The following CACHD1 variants were observed in gnomAD, a reference collection of about 807,000 sequenced individuals.
The protein encoded by CACHD1 is cache domain containing 1.
In CACHD1, 71 loss-of-function variants were observed where a neutral mutation model predicts 138.7. That is an observed-to-expected ratio of 0.51 (90% CI 0.42 to 0.62). CACHD1 has a LOEUF of 0.62. Among genes scored for constraint, CACHD1 ranks in the 20% least tolerant of loss-of-function variants. CACHD1 has a pLI of 0.00. For missense variants in CACHD1, 1,389 were observed against 1,625.3 expected, an observed-to-expected ratio of 0.85 and a Z score of 2.50; for synonymous variants, 578 against 591.5, an observed-to-expected ratio of 0.98 and a Z score of 0.33.
rs1649179189 is a variant in CACHD1, at chr1:64,653,789, G to A, written c.1572G>A (p.Arg524=). The change falls in exon 11 of 27, where the codon AGG becomes AGA. Residue 524 remains arginine, a synonymous_variant. Transcript: ENST00000651257. ...GYTLMHPSLT[R]PYLLSEPPLH... ...CACTTATGCACCCATCTCTTACCAGGCCATATTTATTGTCAGAGCCCCCAC... is the reference window on the plus strand; with the variant it reads ...CACTTATGCACCCATCTCTTACCAGACCATATTTATTGTCAGAGCCCCCAC... 1.2e-6 allele frequency: 2 copies of A among 1,613,060 alleles called. No individual in the cohort carries two copies. The highest frequency in any genetic ancestry group is 1.7e-5 in the Admixed American group (1 of 59,990).
intron 4 of CACHD1, among the ~76,000 whole-genome samples, chr1:64,604,060 C>T (rs372189254): frequency 6.6e-6 from 1 of 152,086 alleles, no homozygotes; most frequent in Non-Finnish European, 1.5e-5. Flanking sequence ...CACATAAAGC[C>T]GAAGAGAAAG....
chr1:64,674,974 C>T (rs764678009), intron 19 of CACHD1, among the ~76,000 whole-genome samples: 1 of 152,142 alleles, frequency 6.6e-6, no homozygotes, highest in Non-Finnish European at 1.5e-5. Context: ...AAAGGTTCAT[C>T]ACCCAAAGAA....
intron 1 of CACHD1, among the ~76,000 whole-genome samples, chr1:64,500,717 TA>T (rs72436564): frequency 1.4e-3 from 49 of 33,968 alleles, no homozygotes; most frequent in South Asian, 3.6e-3. Flanking sequence ...CCTTGTCTCT[TA>T]AAAAAAAAAA....
intron 7 of CACHD1, among the ~76,000 whole-genome samples, chr1:64,637,544 A>G (rs1358187499): frequency 1.3e-5 from 2 of 152,230 alleles, no homozygotes; most frequent in Non-Finnish European, 2.9e-5. Context: ...TGCACTGCAC[A>G]TGAGCAGGAG....
intron 4 of CACHD1, among the ~76,000 whole-genome samples, chr1:64,611,826 C>T (rs530210354): frequency 6.6e-5 from 10 of 152,224 alleles, no homozygotes; most frequent in East Asian, 1.9e-4. Context: ...AGCAGTGCCT[C>T]GCTACCTCAT....
chr1:64,671,214 G>A (rs1649802193), intron 16 of CACHD1, among the ~76,000 whole-genome samples: 1 of 151,818 alleles, frequency 6.6e-6, no homozygotes, highest in African/African-American at 2.4e-5. Context: ...TTATCTAGAG[G>A]TTTGTTGGAA....
intron 1 of CACHD1, among the ~76,000 whole-genome samples, chr1:64,527,940 C>G (rs1052792266): frequency 3.3e-5 from 5 of 152,170 alleles, no homozygotes; most frequent in African/African-American, 1.2e-4. Flanking sequence ...TGGAATCTCA[C>G]TGTTTCTGCT....
intron 4 of CACHD1, among the ~76,000 whole-genome samples, chr1:64,606,125 A>ACACACACACACACACACACACG (rs1350191832): frequency 1.3e-5 from 2 of 151,766 alleles, no homozygotes; most frequent in Non-Finnish European, 2.9e-5. Context: ...ACACACACAC[A>ACACACACACACACACACACACG]CACACGCACA....
At chr1:64,597,083 G>GT (rs1647158777) in intron 3 of CACHD1, among the ~76,000 whole-genome samples, 2 of 152,140 alleles carry the variant, frequency 1.3e-5, no homozygotes, top group South Asian at 2.1e-4. Context: ...TGGTGTGTGA[G>GT]TGGGGGGGTG....
chr1:64,685,614 A>G (rs1343265858), intron 26 of CACHD1, among the ~76,000 whole-genome samples: 1 of 151,956 alleles, frequency 6.6e-6, no homozygotes, highest in Admixed American at 6.6e-5. Context: ...GTTTCCTAAC[A>G]CTTAAGGTAG....
In CACHD1 at chr1:64,667,335, A is replaced by G. The variant is rs564622828; in HGVS notation, c.2387+1168A>G. 1.1e-4 allele frequency among the ~76,000 whole-genome samples: 16 copies of G among 152,316 alleles called. No individual in the cohort carries two copies. In the South Asian group the frequency reaches 3.1e-3, roughly 30 times the overall value. On this transcript the variant is annotated intron_variant, in intron 16 of 26. Transcript: ENST00000651257. ...TGTCAAATGATTGACATTCAGTAAA[A>G]TTCCTCTTAACGGAAGTTCATTGGG...
chr1:64,576,898 T>G (rs534038943), intron 2 of CACHD1, among the ~76,000 whole-genome samples: 16 of 131,856 alleles, frequency 1.2e-4, no homozygotes, highest in Admixed American at 1.6e-4. Flanking sequence ...TTGGTGGGTT[T>G]GTTTGTTTGT....
chr1:64,675,708 C>T, intron 20 of CACHD1, 147 bp downstream of exon 20: 2 of 1,002,330 alleles, frequency 2.0e-6, no homozygotes, highest in Admixed American at 2.3e-5. Context: ...TAGAGCTGTG[C>T]CGTTTGCAGC....
intron 1 of CACHD1, among the ~76,000 whole-genome samples, chr1:64,483,244 C>A (rs1166150754): frequency 1.3e-5 from 2 of 152,162 alleles, no homozygotes; most frequent in East Asian, 3.8e-4. Flanking sequence ...AGTTGGGCTA[C>A]ATTTAGGAAT....
chr1:64,595,505 A>G (rs529673367), intron 3 of CACHD1, among the ~76,000 whole-genome samples: 19 of 152,290 alleles, frequency 1.2e-4, no homozygotes, highest in Middle Eastern at 3.4e-3. Flanking sequence ...GCTATGGAAC[A>G]TCACAGAGGC....
At chr1:64,680,870 C>T (rs1557555220) in intron 24 of CACHD1, among the ~76,000 whole-genome samples, 1 of 152,186 alleles carries the variant, frequency 6.6e-6, no homozygotes. Context: ...TGAGGATGAC[C>T]GTCATCCAGT....
chr1:64,625,755 C>T (rs1430309408), intron 4 of CACHD1, among the ~76,000 whole-genome samples: 1 of 152,148 alleles, frequency 6.6e-6, no homozygotes, highest in African/African-American at 2.4e-5. Context: ...CATTTGTACC[C>T]CCTACATCTA....
intron 2 of CACHD1, among the ~76,000 whole-genome samples, chr1:64,565,533 C>T (rs1384169287): frequency 6.6e-6 from 1 of 152,090 alleles, no homozygotes; most frequent in African/African-American, 2.4e-5. Flanking sequence ...TTAGCTCTTA[C>T]TGTTGTTGGT....
intron 1 of CACHD1, among the ~76,000 whole-genome samples, chr1:64,471,563 G>T (rs912088648): frequency 1.3e-5 from 2 of 152,210 alleles, no homozygotes; most frequent in Admixed American, 1.3e-4. Context: ...CCGGGAGCAT[G>T]GGGGGAGGGG....
Sources: gnomAD v4.1 joint callset for allele counts (sites outside exome capture counted in the v4.1 genomes callset) on GRCh38, gnomAD v4.1.1 for gene constraint, MANE v1.5 for transcripts, NCBI Gene and HGNC (gene_info 2026-07-23, HGNC 2026-07-21) for gene names.